The following SCAPER variants were observed in gnomAD, a reference collection of about 807,000 sequenced individuals.
SCAPER encodes the protein S-phase cyclin A associated protein in the ER.
Under a neutral mutation model 182.2 loss-of-function variants are expected in SCAPER, and 98 were observed. That is an observed-to-expected ratio of 0.54 (90% CI 0.46 to 0.64). The LOEUF (loss-of-function observed/expected upper bound fraction) is 0.64, where lower values mean the gene tolerates loss of function less well. Among genes scored for constraint, SCAPER ranks in the 30% least tolerant of loss-of-function variants. The pLI, the probability that SCAPER is intolerant of heterozygous loss-of-function variation, is 0.00. For missense variants in SCAPER, 1,432 were observed against 1,690.0 expected, an observed-to-expected ratio of 0.85 and a Z score of 2.68; for synonymous variants, 605 against 564.6, an observed-to-expected ratio of 1.07 and a Z score of -1.01.
intron 17 of SCAPER, among the ~76,000 whole-genome samples, chr15:76,716,922 A>T (rs762902810): frequency 6.6e-6 from 1 of 152,102 alleles, no homozygotes; most frequent in African/African-American, 2.4e-5. Context: ...CATACAAGTC[A>T]ATGAAGCTCA....
At chr15:76,730,262 T>C (rs2060840369) in intron 16 of SCAPER, among the ~76,000 whole-genome samples, 1 of 151,922 alleles carries the variant, frequency 6.6e-6, no homozygotes, top group African/African-American at 2.4e-5. Context: ...CTTTTAAAAA[T>C]AGCCAAAAGG....
intron 8 of SCAPER, among the ~76,000 whole-genome samples, chr15:76,781,094 T>G (rs1321105672): frequency 6.6e-6 from 1 of 151,984 alleles, no homozygotes; most frequent in African/African-American, 2.4e-5. Flanking sequence ...TTCTCCAAAC[T>G]AAAGGAGCAT....
chr15:76,681,831 G>A (rs2147003501), intron 20 of SCAPER, among the ~76,000 whole-genome samples: 1 of 152,276 alleles, frequency 6.6e-6, no homozygotes, highest in South Asian at 2.1e-4. Flanking sequence ...AAGCCTAGAG[G>A]ATTTGGTGTG....
intron 25 of SCAPER, among the ~76,000 whole-genome samples, chr15:76,454,176 T>C (rs1057476044): frequency 6.6e-6 from 1 of 152,170 alleles, no homozygotes; most frequent in Non-Finnish European, 1.5e-5. Flanking sequence ...TTTTTTCTTA[T>C]TGTTTTCTTA....
At chr15:76,462,487 T>C (rs776694046) in intron 25 of SCAPER, among the ~76,000 whole-genome samples, 15 of 152,190 alleles carry the variant, frequency 9.9e-5, no homozygotes, top group Non-Finnish European at 2.2e-4. Flanking sequence ...TTATAGAGAA[T>C]ATATATTCTC....
intron 25 of SCAPER, among the ~76,000 whole-genome samples, chr15:76,449,315 G>A (rs2048214286): frequency 6.6e-6 from 1 of 152,178 alleles, no homozygotes; most frequent in Non-Finnish European, 1.5e-5. Flanking sequence ...AAGGAGGAAA[G>A]AGCATATGTA....
chr15:76,758,407 T>A (rs532717416), intron 14 of SCAPER, among the ~76,000 whole-genome samples: 1 of 152,294 alleles, frequency 6.6e-6, no homozygotes, highest in African/African-American at 2.4e-5. Context: ...TTGCATAGGT[T>A]TATTTCTGGG....
chr15:76,808,123 G>A (rs2066314121), intron 5 of SCAPER, among the ~76,000 whole-genome samples: 2 of 152,168 alleles, frequency 1.3e-5, no homozygotes, highest in South Asian at 4.2e-4. Flanking sequence ...TAACCTCCTG[G>A]GCACAGGAAA....
At chr15:76,571,825 T>G (rs960177075) in intron 23 of SCAPER, among the ~76,000 whole-genome samples, 2 of 152,172 alleles carry the variant, frequency 1.3e-5, no homozygotes, top group African/African-American at 4.8e-5. Context: ...AATGGCTATT[T>G]ACAATTCCTA....
intron 1 of SCAPER, among the ~76,000 whole-genome samples, chr15:76,898,599 G>A (rs1470789523): frequency 6.6e-6 from 1 of 152,218 alleles, no homozygotes; most frequent in Non-Finnish European, 1.5e-5. Context: ...CAAAATGGAT[G>A]AATCTTGAAA....
At chr15:76,464,369 T>C (rs528069121) in intron 25 of SCAPER, among the ~76,000 whole-genome samples, 2 of 152,214 alleles carry the variant, frequency 1.3e-5, no homozygotes, top group South Asian at 4.1e-4. Flanking sequence ...TAATATTCCA[T>C]TGTTTGTACA....
rs139469443 is a variant in SCAPER at position 76,409,181 on chromosome 15, ATC to A, written c.3312-4504_3312-4503del. Among the ~76,000 whole-genome samples, 638 of 152,304 alleles carry A rather than the reference ATC, an allele frequency of 4.2e-3. 6 individuals are homozygous for A. The highest frequency in any genetic ancestry group is 0.015 in the African/African-American group (619 of 41,576). ...CAGTGTAGAGAAATTCATTTTGTCA[ATC>A]TCATTGTTTTGAGGGAAGAATATGG... On this transcript the variant is annotated intron_variant, in intron 26 of 31. Coordinates refer to ENST00000563290, the MANE Select transcript of SCAPER (RefSeq NM_020843.4).
chr15:76,831,605 C>T (rs1277758281), intron 5 of SCAPER, among the ~76,000 whole-genome samples: 1 of 151,468 alleles, frequency 6.6e-6, no homozygotes, highest in Non-Finnish European at 1.5e-5. Flanking sequence ...TACTGGTGCG[C>T]AATCACCTGT....
chr15:76,765,763 C>T, intron 11 of SCAPER, 125 bp from the exon 12 acceptor site: 2 of 813,608 alleles, frequency 2.5e-6, no homozygotes, highest in Non-Finnish European at 2.0e-6. Context: ...CAGTTGAAAA[C>T]CAGGAAAAAG....
intron 25 of SCAPER, among the ~76,000 whole-genome samples, chr15:76,451,671 C>T (rs900007604): frequency 6.6e-6 from 1 of 152,136 alleles, no homozygotes; most frequent in Non-Finnish European, 1.5e-5. Flanking sequence ...ATAAAGAATG[C>T]TTTTAGTCCA....
At chr15:76,423,015 G>A (rs1368871211) in intron 26 of SCAPER, among the ~76,000 whole-genome samples, 1 of 152,072 alleles carries the variant, frequency 6.6e-6, no homozygotes, top group Admixed American at 6.6e-5. Flanking sequence ...TGCTGGATTC[G>A]GTTTGCCAGT....
intron 5 of SCAPER, among the ~76,000 whole-genome samples, chr15:76,834,560 G>C (rs2068770342): frequency 6.6e-6 from 1 of 152,192 alleles, no homozygotes; most frequent in East Asian, 1.9e-4. Context: ...TAATAAGGAA[G>C]AGCTGAACTG....
chr15:76,389,781 A>T (rs1003196069), intron 27 of SCAPER, among the ~76,000 whole-genome samples: 1 of 145,418 alleles, frequency 6.9e-6, no homozygotes, highest in African/African-American at 2.5e-5. Flanking sequence ...GCGCCACTGC[A>T]CTCTAGCCTG....
At chr15:76,349,134 C>G (rs2141603950) in intron 31 of SCAPER, 1 of 154,422 alleles carries the variant, frequency 6.5e-6, no homozygotes, top group Non-Finnish European at 1.4e-5. Context: ...CTATAGTTTG[C>G]TATGATCGCA....
Sources: allele counts gnomAD v4.1 joint callset (sites outside exome capture counted in the v4.1 genomes callset), GRCh38; gene constraint gnomAD v4.1.1; transcripts MANE v1.5; gene names NCBI Gene and HGNC (gene_info 2026-07-23, HGNC 2026-07-21).